The following OCA2 variants were observed in gnomAD, a reference collection of about 807,000 sequenced individuals.
The protein encoded by OCA2 is P protein.
OCA2 carries 77 observed loss-of-function variants against 100.2 expected under a neutral mutation model. That is an observed-to-expected ratio of 0.77 (90% CI 0.64 to 0.93). The LOEUF (loss-of-function observed/expected upper bound fraction) is 0.93. OCA2 is among the 40% of genes least tolerant of loss of function. The pLI, the probability that OCA2 is intolerant of heterozygous loss-of-function variation, is 0.00. For synonymous variants in OCA2, 432 were observed against 439.2 expected (o/e 0.98, Z 0.21); for missense variants, 1,062 against 1,089.1 (o/e 0.98, Z 0.35).
At position 27,816,447 on chromosome 15, in the gene OCA2, C is replaced by A. The variant is rs569485323; in HGVS notation, c.2432+28512G>T. ...CTTCAGATATAAAGTAGCCACCAGG[C>A]GCCTTACTTCATTTGTTCAAGAAAG... On this transcript the variant is annotated intron_variant, in intron 23 of 23. Transcript: ENST00000354638. 1.8e-4 allele frequency among the ~76,000 whole-genome samples: 28 copies of A among 152,276 alleles called. No individual in the cohort carries two copies. The South Asian group carries it at 3.3e-3, about 18-fold the overall frequency.
At chr15:28,021,618 G>T (rs1055178266) in intron 6 of OCA2, among the ~76,000 whole-genome samples, 1 of 152,294 alleles carries the variant, frequency 6.6e-6, no homozygotes, top group South Asian at 2.1e-4. Context: ...GAACCCCAGC[G>T]GACGCTCCCC....
At chr15:27,913,945 A>G (rs2038565730) in intron 19 of OCA2, among the ~76,000 whole-genome samples, 2 of 149,130 alleles carry the variant, frequency 1.3e-5, no homozygotes, top group African/African-American at 5.0e-5. Flanking sequence ...GAAAGAAAAA[A>G]ATTTCAGGCC....
At chr15:28,085,206 C>T (rs753223091) in intron 1 of OCA2, among the ~76,000 whole-genome samples, 1 of 152,132 alleles carries the variant, frequency 6.6e-6, no homozygotes, top group Non-Finnish European at 1.5e-5. Context: ...ACCGCACCTC[C>T]CCAGACAGTG....
the OCA2 span, among the ~76,000 whole-genome samples, chr15:27,729,898 C>G: frequency 6.6e-6 from 1 of 152,210 alleles, no homozygotes. Flanking sequence ...TGTGTTTCTA[C>G]TCTAGTGTAC....
chr15:28,022,633 TC>T (rs1303278080), intron 5 of OCA2, 60 bp from the exon 6 acceptor site: 54 of 1,303,462 alleles, frequency 4.1e-5, no homozygotes, highest in Non-Finnish European at 5.8e-5. Flanking sequence ...AAGGTATAAA[TC>T]ATTTTGATAA....
intron 23 of OCA2, among the ~76,000 whole-genome samples, chr15:27,799,158 C>T (rs550682050): frequency 2.5e-4 from 38 of 152,340 alleles, no homozygotes; most frequent in African/African-American, 6.3e-4. Flanking sequence ...ACAGGGGAGA[C>T]GATCGCTTCT....
chr15:27,819,817 A>G (rs888637383), intron 23 of OCA2, among the ~76,000 whole-genome samples: 2 of 152,232 alleles, frequency 1.3e-5, no homozygotes, highest in African/African-American at 4.8e-5. Context: ...ATCAATGAGC[A>G]CACCTAGATC....
intron 2 of OCA2, among the ~76,000 whole-genome samples, chr15:28,054,893 G>A (rs2141602795): frequency 6.6e-6 from 1 of 152,320 alleles, no homozygotes; most frequent in South Asian, 2.1e-4. Flanking sequence ...GGTGGGAGGA[G>A]AGAGAAGAAT....
chr15:27,970,178 C>G (rs901036308), intron 14 of OCA2, among the ~76,000 whole-genome samples: 1 of 151,806 alleles, frequency 6.6e-6, no homozygotes, highest in South Asian at 2.1e-4. Flanking sequence ...GAAAACGGAG[C>G]AAGCCACGGA....
intron 18 of OCA2, among the ~76,000 whole-genome samples, chr15:27,941,512 C>T (rs8034072): frequency 0.28 from 42,177 of 152,050 alleles, 8,425 homozygotes; most frequent in East Asian, 0.79. Context: ...CCCCCAAATT[C>T]ATTAACCTGT....
chr15:27,991,266 T>C (rs1214903788), intron 9 of OCA2, among the ~76,000 whole-genome samples: 3 of 152,158 alleles, frequency 2.0e-5, no homozygotes, highest in Non-Finnish European at 2.9e-5. Context: ...AAATTTACCA[T>C]ATGACCCAGC....
intron 19 of OCA2, among the ~76,000 whole-genome samples, chr15:27,925,541 AAAGCACG>A (rs2039012217): frequency 1.3e-5 from 2 of 152,240 alleles, no homozygotes; most frequent in African/African-American, 4.8e-5. Context: ...AATGAAAATG[AAAGCACG>A]TTACATGTTA....
intron 23 of OCA2, among the ~76,000 whole-genome samples, chr15:27,807,564 G>A (rs1023949605): frequency 6.6e-6 from 1 of 152,136 alleles, no homozygotes; most frequent in Non-Finnish European, 1.5e-5. Flanking sequence ...CTTCACTTGG[G>A]CAGATGGAAG....
the OCA2 span, among the ~76,000 whole-genome samples, chr15:27,738,790 A>T: frequency 6.6e-6 from 1 of 152,186 alleles, no homozygotes; most frequent in African/African-American, 2.4e-5. Context: ...TCCAGAAAGC[A>T]TACAGGGAAT....
In OCA2 at chr15:27,964,809, G is replaced by A. The variant is rs181618774; in HGVS notation, c.1636+1881C>T. 1.1e-4 allele frequency among the ~76,000 whole-genome samples: 17 copies of A among 152,236 alleles called. No homozygotes were observed. In the East Asian group the frequency reaches 2.9e-3, roughly 26 times the overall value. On this transcript the variant is annotated intron_variant, in intron 15 of 23. Transcript: ENST00000354638. ...TTGGAGCCCTCTAAGCCCCACAGTG[G>A]CACAGAGCAATCACCCCACCTTGCA... is the stretch of plus-strand genomic sequence containing the variant.
At chr15:27,850,350 G>C (rs2035702591) in intron 22 of OCA2, among the ~76,000 whole-genome samples, 1 of 152,176 alleles carries the variant, frequency 6.6e-6, no homozygotes, top group African/African-American at 2.4e-5. Flanking sequence ...TTCACTGTCT[G>C]TTACAATGTC....
rs999528084 is a variant in OCA2 at position 27,758,537 on chromosome 15, T to A, written c.2433-3065A>T. On this transcript the variant is annotated intron_variant, in intron 23 of 23. Transcript: ENST00000354638. ...ACTGAGGTGATACAGATGTCGAAATTATCTGAAAAGGATTTCAAAGCAGCT... is the reference window on the plus strand; with the variant it reads ...ACTGAGGTGATACAGATGTCGAAATAATCTGAAAAGGATTTCAAAGCAGCT... Among the ~76,000 whole-genome samples the A allele has an allele frequency of 2.0e-5, 3 of 152,258 alleles. No homozygotes were observed. In the East Asian group the frequency reaches 5.8e-4, roughly 29 times the overall value.
At chr15:27,934,772 A>G (rs2039390650) in intron 18 of OCA2, among the ~76,000 whole-genome samples, 1 of 152,172 alleles carries the variant, frequency 6.6e-6, no homozygotes, top group East Asian at 1.9e-4. Flanking sequence ...TCATCCATCC[A>G]ACTTCAGAAA....
At chr15:27,859,814 C>A (rs1414071047) in intron 21 of OCA2, among the ~76,000 whole-genome samples, 6 of 152,006 alleles carry the variant, frequency 3.9e-5, no homozygotes, top group African/African-American at 1.5e-4. Context: ...GCCATTGCCT[C>A]CACAAACATG....
Sources: allele counts gnomAD v4.1 joint callset (sites outside exome capture counted in the v4.1 genomes callset), GRCh38; gene constraint gnomAD v4.1.1; transcripts MANE v1.5; gene names NCBI Gene and HGNC (gene_info 2026-07-23, HGNC 2026-07-21).